TM9SF2: variants seen among roughly 807,000 people sequenced by gnomAD.
TM9SF2 encodes transmembrane 9 superfamily member 2.
A neutral mutation model predicts 84.9 loss-of-function variants in TM9SF2; 13 were observed. The ratio of observed to expected loss-of-function variants is 0.15; its 90% CI spans 0.10 to 0.24. TM9SF2 has a LOEUF of 0.24. Ranked by LOEUF, TM9SF2 falls within the 10% of genes least tolerant of loss-of-function variation. The pLI is 1.00. For missense variants in TM9SF2, 562 were observed against 818.5 expected, an observed-to-expected ratio of 0.69 and a Z score of 3.82; for synonymous variants, 273 against 285.8, an observed-to-expected ratio of 0.96 and a Z score of 0.45.
intron 1 of TM9SF2, among the ~76,000 whole-genome samples, chr13:99,516,729 C>G (rs2046136309): frequency 6.6e-6 from 1 of 152,188 alleles, no homozygotes; most frequent in African/African-American, 2.4e-5. Context: ...TTCACTGCTA[C>G]TACCTTGTAG....
chr13:99,536,675 G>C lies in TM9SF2; in HGVS notation c.529G>C (p.Gly177Arg). 1 of 1,613,746 alleles carries C rather than the reference G, an allele frequency of 6.2e-7. No homozygotes were observed. Among genetic ancestry groups the C allele is most frequent in the Non-Finnish European group, 8.5e-7 (1 of 1,179,776 alleles). Residue 177 changes from glycine to arginine, a missense_variant, in exon 5 of 17, where the codon GGA (glycine) becomes CGA (arginine). Physicochemically the swap from Gly to Arg is moderately radical, Grantham distance 125. This residue lies in a region of TM9SF2 where 267 missense variants were observed against 316.7 expected (regional missense o/e 0.84). Transcript: ENST00000376387. Reference sequence around the variant, plus strand: ...AGATGGTCAGAGGTTCTGTAATCCTGGATTTCCTATTGGCTGTTACATTAC... The same window carrying C: ...AGATGGTCAGAGGTTCTGTAATCCTCGATTTCCTATTGGCTGTTACATTAC... ...VEDGQRFCNP[G>R]FPIGCYITDK...
chr13:99,512,252 A>G (rs1002803518), intron 1 of TM9SF2, among the ~76,000 whole-genome samples: 6 of 152,214 alleles, frequency 3.9e-5, no homozygotes, highest in African/African-American at 7.2e-5. Flanking sequence ...TTGTGTGCCA[A>G]TTATGGACCA....
chr13:99,561,019 G>A (rs1849451265), intron 16 of TM9SF2, among the ~76,000 whole-genome samples: 1 of 152,170 alleles, frequency 6.6e-6, no homozygotes, highest in African/African-American at 2.4e-5. Flanking sequence ...CATTCATTCA[G>A]AGTTGAATTT....
chr13:99,536,560 C>A, intron 4 of TM9SF2, 48 bp from the exon 5 acceptor site: 2 of 1,585,814 alleles, frequency 1.3e-6, no homozygotes, highest in Admixed American at 1.8e-5. Context: ...AATTCTTTGT[C>A]ATGTTTGGTG....
chr13:99,530,056 A>C (rs1469395918), intron 4 of TM9SF2, among the ~76,000 whole-genome samples: 1 of 151,332 alleles, frequency 6.6e-6, no homozygotes, highest in Non-Finnish European at 1.5e-5. Flanking sequence ...TAAGTACCTT[A>C]ATTAAAAAAT....
At chr13:99,526,864 C>T (rs146102949) in intron 3 of TM9SF2, among the ~76,000 whole-genome samples, 2 of 151,966 alleles carry the variant, frequency 1.3e-5, no homozygotes, top group Non-Finnish European at 2.9e-5. Flanking sequence ...GGAGTAGGGG[C>T]GGTGTGGTCT....
At chr13:99,544,610 A>G (rs2046275357) in intron 10 of TM9SF2, among the ~76,000 whole-genome samples, 1 of 152,160 alleles carries the variant, frequency 6.6e-6, no homozygotes, top group African/African-American at 2.4e-5. Flanking sequence ...TCTTTTACCC[A>G]GGCATCGTGG....
At chr13:99,546,140 G>C (rs986236044) in intron 10 of TM9SF2, among the ~76,000 whole-genome samples, 5 of 152,170 alleles carry the variant, frequency 3.3e-5, no homozygotes, top group African/African-American at 1.2e-4. Flanking sequence ...TCATGACTCT[G>C]GTGCTTGTCA....
chr13:99,542,368 AAATT>A (rs1376641772), intron 9 of TM9SF2, among the ~76,000 whole-genome samples: 1 of 152,334 alleles, frequency 6.6e-6, no homozygotes, highest in East Asian at 1.9e-4. Context: ...TAATTTTTTA[AAATT>A]AATCTTAACA....
Position 99,508,404 on chromosome 13 carries a change from AACACAC to A in TM9SF2, c.171+6662_171+6667del, listed in dbSNP as rs61561266. ...AGAGTGGGAAAAAAAAGGCAAACAA[AACACAC>A]ACACACACACACACACACACACACA... On this transcript the variant is annotated intron_variant, in intron 1 of 16. Transcript: ENST00000376387. Among the ~76,000 whole-genome samples the A allele has an allele frequency of 3.9e-3, 523 of 134,492 alleles. 3 individuals carry two copies. Among genetic ancestry groups the A allele is most frequent in the African/African-American group, 0.011 (388 of 34,456 alleles). The allele number at this position is 134,492 out of a possible 152,430, so 88.2% of individuals were successfully genotyped here.
chr13:99,548,389 G>A (rs112415476), intron 11 of TM9SF2, among the ~76,000 whole-genome samples: 3,769 of 152,294 alleles, frequency 0.025, 162 homozygotes, highest in African/African-American at 0.086. Flanking sequence ...ATGTGTATAT[G>A]TAATTTTATT....
chr13:99,538,444 GAAA>G (rs2046243950), intron 6 of TM9SF2, among the ~76,000 whole-genome samples: 2 of 151,470 alleles, frequency 1.3e-5, no homozygotes, highest in Non-Finnish European at 2.9e-5. Context: ...TGGTGGTCAA[GAAA>G]TACATGCCAT....
chr13:99,529,647 T>G (rs1000579767), intron 4 of TM9SF2, 53 bp downstream of exon 4: 62 of 1,440,320 alleles, frequency 4.3e-5, no homozygotes, highest in Middle Eastern at 2.1e-4. Flanking sequence ...TATGAAATCT[T>G]TGTTGCTTTG....
chr13:99,552,591 A>AC (rs1555341063), intron 13 of TM9SF2, among the ~76,000 whole-genome samples: 1 of 151,028 alleles, frequency 6.6e-6, no homozygotes, highest in Non-Finnish European at 1.5e-5. Context: ...ACTAATGAAA[A>AC]CATTCATTCA....
intron 9 of TM9SF2, among the ~76,000 whole-genome samples, chr13:99,543,264 G>A (rs903471947): frequency 6.6e-6 from 1 of 152,078 alleles, no homozygotes; most frequent in Non-Finnish European, 1.5e-5. Context: ...TCTGTACAGC[G>A]CTTATTACCA....
intron 3 of TM9SF2, among the ~76,000 whole-genome samples, chr13:99,527,781 A>G (rs1260587739): frequency 2.6e-5 from 4 of 152,154 alleles, no homozygotes; most frequent in South Asian, 2.1e-4. Context: ...GTGAATACCT[A>G]TTTTCATCAG....
chr13:99,526,189 A>G (rs1452313344), intron 3 of TM9SF2, among the ~76,000 whole-genome samples: 1 of 152,206 alleles, frequency 6.6e-6, no homozygotes, highest in East Asian at 1.9e-4. Context: ...GAGCTAATAG[A>G]GCAGGAGTGT....
intron 11 of TM9SF2, among the ~76,000 whole-genome samples, chr13:99,547,576 A>G (rs1226149229): frequency 6.6e-6 from 1 of 152,258 alleles, no homozygotes; most frequent in Non-Finnish European, 1.5e-5. Context: ...TCAAGTAAAC[A>G]AAGATCTCAT....
chr13:99,529,846 A>G (rs1197194771), intron 4 of TM9SF2, among the ~76,000 whole-genome samples: 1 of 152,222 alleles, frequency 6.6e-6, no homozygotes, highest in Non-Finnish European at 1.5e-5. Context: ...GATCTGGTAC[A>G]TAGAGTAGTT....
Sources: allele counts gnomAD v4.1 joint callset (sites outside exome capture counted in the v4.1 genomes callset), GRCh38; gene constraint gnomAD v4.1.1; regional missense constraint gnomAD v4.1.1; transcripts MANE v1.5; gene names NCBI Gene and HGNC (gene_info 2026-07-23, HGNC 2026-07-21).